OSBPL5: variants seen among roughly 807,000 people sequenced by gnomAD.
The protein encoded by OSBPL5 is oxysterol binding protein like 5.
Under a neutral mutation model 111.2 loss-of-function variants are expected in OSBPL5, and 71 were observed. That is an observed-to-expected ratio of 0.64 (90% CI 0.53 to 0.78). The LOEUF is 0.78. OSBPL5 is among the 30% of genes least tolerant of loss of function. OSBPL5 has a pLI of 0.00. For missense variants in OSBPL5, 1,210 were observed against 1,189.3 expected (o/e 1.02, Z -0.26); for synonymous variants, 549 against 513.9 (o/e 1.07, Z -0.93).
At chr11:3,090,029 G>T in intron 20 of OSBPL5, 81 bp from the exon 21 acceptor site, 1 of 1,099,636 alleles carries the variant, frequency 9.1e-7, no homozygotes, top group Non-Finnish European at 1.3e-6. Flanking sequence ...TGGCACGTGG[G>T]TCACAGGGTC....
Position 3,122,107 on chromosome 11 carries a change from G to A in OSBPL5, c.301-9C>T, listed in dbSNP as rs757589320. 50 of 1,556,122 alleles carry A rather than the reference G, an allele frequency of 3.2e-5. No individual in the cohort carries two copies. The highest frequency in any genetic ancestry group is 3.6e-4 in the Middle Eastern group (2 of 5,570). The stretch of plus-strand genomic sequence containing the variant: ...TAGTTCTCCTTCTGCGCCTGGGCCC[G>A]GGGCACCCGCGGTGGGTCATGGGAG... On this transcript the variant is annotated splice_polypyrimidine_tract_variant and intron_variant, in intron 4 of 21. Transcript: ENST00000263650.
intron 6 of OSBPL5, chr11:3,119,967 G>T: frequency 2.4e-6 from 1 of 422,080 alleles, no homozygotes. Context: ...GCTTTTTGGT[G>T]TAAGTATTTC....
chr11:3,119,682 T>C, intron 6 of OSBPL5, 51 bp from the exon 7 acceptor site: 1 of 1,536,850 alleles, frequency 6.5e-7, no homozygotes. Context: ...CAGGGCCAGC[T>C]GCACAGATAG....
At chr11:3,127,138 G>A (rs1452333968) in intron 2 of OSBPL5, among the ~76,000 whole-genome samples, 2 of 152,218 alleles carry the variant, frequency 1.3e-5, no homozygotes, top group African/African-American at 4.8e-5. Flanking sequence ...TTTGGTGCCA[G>A]TTTCCCAAGG....
At chr11:3,120,379 C>T (rs780467559) in intron 6 of OSBPL5, 42 bp downstream of exon 6, 9 of 1,579,876 alleles carry the variant, frequency 5.7e-6, no homozygotes, top group Non-Finnish European at 7.7e-6. Flanking sequence ...AGCCCCTTGG[C>T]CCTACGGGGC....
chr11:3,114,605 T>C (rs928135622), intron 7 of OSBPL5, among the ~76,000 whole-genome samples: 3 of 143,274 alleles, frequency 2.1e-5, no homozygotes, highest in African/African-American at 7.9e-5. Flanking sequence ...TTTTTTTTTT[T>C]TTTTTTTTTT....
At chr11:3,151,674 C>G (rs1003749071) in intron 1 of OSBPL5, among the ~76,000 whole-genome samples, 1 of 152,254 alleles carries the variant, frequency 6.6e-6, no homozygotes, top group African/African-American at 2.4e-5. Flanking sequence ...GCTGAACACA[C>G]TGTCCTGGCG....
rs762566658 is a variant in OSBPL5 at position 3,126,425 on chromosome 11, C to G, written c.219+48G>C. The G allele has an allele frequency of 1.6e-5, 24 of 1,514,018 alleles. No individual in the cohort carries two copies. Among genetic ancestry groups the G allele is most frequent in the Admixed American group, 4.1e-5 (2 of 49,210 alleles). The allele number at this position is 1,514,018 out of a possible 1,614,324, so 93.8% of individuals were successfully genotyped here. A position where few individuals can be genotyped will look rare whatever the true frequency, so the allele number is the denominator to read the frequency against. ...TTTCCCCAGCCGTTTCCTGCTGTCC[C>G]CAGAGCCAGGCTCTGGCTCATGGAT... On this transcript the variant is annotated intron_variant, in intron 3 of 21. Transcript: ENST00000263650. The surrounding 1 kb of genome is among the most constrained non-coding windows in gnomAD (Gnocchi z 6.5).
Position 3,092,814 on chromosome 11 carries a change from G to A in OSBPL5, c.2132+53C>T, listed in dbSNP as rs934588280. 9.4e-5 allele frequency: 138 copies of A among 1,473,630 alleles called. No individual in the cohort carries two copies. The highest frequency in any genetic ancestry group is 2.8e-4 in the Admixed American group (12 of 42,516). 91.3% of individuals were successfully genotyped at this position (1,473,630 alleles called of 1,614,324 possible). On this transcript the variant is annotated intron_variant, in intron 18 of 21. Coordinates refer to ENST00000263650, the MANE Select transcript of OSBPL5 (RefSeq NM_020896.4). This position sits in a 1 kb window ranked among gnomAD's most constrained non-coding sequence, Gnocchi z 5.4. Reference sequence around the variant, plus strand: ...GGAGCCCCTGGGCCCTTCTCAGCCCGTCTGCTAGGCCCAGCCCCACCCTGT... The same window carrying A: ...GGAGCCCCTGGGCCCTTCTCAGCCCATCTGCTAGGCCCAGCCCCACCCTGT...
In OSBPL5 at chr11:3,105,050, C is replaced by T. The variant is rs1294822072; in HGVS notation, c.1060-673G>A. ...TAACCCTCACCACAGCTCCAGAATA[C>T]ATGACTTGGGGTGGCGGGGCTCCCC... On this transcript the variant is annotated intron_variant, in intron 9 of 21. Transcript: ENST00000263650. The surrounding 1 kb of genome is among the most constrained non-coding windows in gnomAD (Gnocchi z 5.2). 2.0e-5 allele frequency among the ~76,000 whole-genome samples: 3 copies of T among 152,100 alleles called. No homozygotes were observed. The highest frequency in any genetic ancestry group is 2.9e-5 in the Non-Finnish European group (2 of 68,030).
At chr11:3,112,478 C>CTTTTT (rs559601032) in intron 7 of OSBPL5, among the ~76,000 whole-genome samples, 6 of 108,766 alleles carry the variant, frequency 5.5e-5, no homozygotes, top group African/African-American at 6.4e-5. Flanking sequence ...GTTTTCTTTT[C>CTTTTT]TTTTTTTTTT....
chr11:3,118,771 ATGT>A (rs776864826), intron 7 of OSBPL5, among the ~76,000 whole-genome samples: 2 of 151,900 alleles, frequency 1.3e-5, no homozygotes, highest in African/African-American at 4.8e-5. Context: ...GGGTTTCGCC[ATGT>A]TGATCAGGCT....
chr11:3,093,978 C>A, intron 15 of OSBPL5, 143 bp from the exon 16 acceptor site: 1 of 1,017,302 alleles, frequency 9.8e-7, no homozygotes, highest in Non-Finnish European at 1.4e-6. Context: ...CCAACGAGGC[C>A]TTCGGGACCC....
intron 14 of OSBPL5, among the ~76,000 whole-genome samples, chr11:3,097,068 A>G: frequency 1.1e-4 from 1 of 9,340 alleles, no homozygotes. Flanking sequence ...GGAAAGGGGG[A>G]AGATGGAAGG....
In OSBPL5 at chr11:3,126,512, T is replaced by C. The variant is rs1232074148; in HGVS notation, c.180A>G (p.Glu60=). The change falls in exon 3 of 22, where the codon GAA becomes GAG. Residue 60 remains glutamate, a synonymous_variant. Transcript: ENST00000263650. This position sits in a 1 kb window ranked among gnomAD's most constrained non-coding sequence, Gnocchi z 6.5. The part of the protein sequence containing the change: ...EPNGPSLPRD[E]GPPTPSSATK... ...TGGCAGAGCTTGGGGTCGGGGGCCC[T>C]TCATCCCTGGGCAGCGACGGGCCGT... The C allele has an allele frequency of 1.9e-6, 3 of 1,609,604 alleles. No homozygotes were observed. The highest frequency in any genetic ancestry group is 1.7e-6 in the Non-Finnish European group (2 of 1,178,606).
At chr11:3,096,314 C>A (rs1169159901) in intron 14 of OSBPL5, among the ~76,000 whole-genome samples, 1 of 152,068 alleles carries the variant, frequency 6.6e-6, no homozygotes, top group Non-Finnish European at 1.5e-5. Flanking sequence ...AGTATTGTGG[C>A]TATGGTTAAG....
intron 1 of OSBPL5, among the ~76,000 whole-genome samples, chr11:3,155,163 C>G (rs375721832): frequency 1.3e-5 from 2 of 152,230 alleles, no homozygotes; most frequent in African/African-American, 2.4e-5. Context: ...AGAGAATCAA[C>G]GTCTGGGCTG....
chr11:3,116,455 C>T lies in OSBPL5; in HGVS notation c.691+3092G>A, dbSNP rs114630310. ...TGCTGGTTTCTGATAACTTTAGAGACTGTGACATCAGAATAGAGGAAAAAC... is the reference window on the plus strand; with the variant it reads ...TGCTGGTTTCTGATAACTTTAGAGATTGTGACATCAGAATAGAGGAAAAAC... On this transcript the variant is annotated intron_variant, in intron 7 of 21. Coordinates refer to ENST00000263650, the MANE Select transcript of OSBPL5 (RefSeq NM_020896.4). 8.8e-3 allele frequency among the ~76,000 whole-genome samples: 1,344 copies of T among 152,244 alleles called. 18 individuals are homozygous for T. Among genetic ancestry groups the T allele is most frequent in the African/African-American group, 0.03 (1,246 of 41,532 alleles).
intron 1 of OSBPL5, among the ~76,000 whole-genome samples, chr11:3,143,015 CAGAGGAGGCAGGTGCGGGGGG>C (rs1455836300): frequency 4.8e-5 from 4 of 82,854 alleles, no homozygotes; most frequent in Non-Finnish European, 1.0e-4. Context: ...CAGAGGGGGG[CAGAGGAGGCAGGTGCGGGGGG>C]GGGCAGAGGA....
Sources: allele counts gnomAD v4.1 joint callset (sites outside exome capture counted in the v4.1 genomes callset), GRCh38; gene constraint gnomAD v4.1.1; non-coding constraint Gnocchi (gnomAD v3.1); transcripts MANE v1.5; gene names NCBI Gene and HGNC (gene_info 2026-07-23, HGNC 2026-07-21).